The following NRG3 variants were observed in gnomAD, a reference collection of about 807,000 sequenced individuals.
The protein encoded by NRG3 is neuregulin 3.
A neutral mutation model predicts 66.9 loss-of-function variants in NRG3; 31 were observed. That is an observed-to-expected ratio of 0.46 (90% confidence interval 0.35 to 0.63). NRG3 has a LOEUF of 0.63. Ranked by LOEUF, NRG3 falls within the 20% of genes least tolerant of loss-of-function variation. The pLI is 0.00. For missense variants in NRG3, 910 were observed against 878.9 expected (o/e 1.04, Z -0.45); for synonymous variants, 393 against 359.4 (o/e 1.09, Z -1.06).
chr10:82,322,601 T>A (rs2081635892), intron 1 of NRG3, among the ~76,000 whole-genome samples: 1 of 152,152 alleles, frequency 6.6e-6, no homozygotes, highest in East Asian at 1.9e-4. Context: ...ATGGCACATA[T>A]AACCTTCATT....
At chr10:82,113,569 A>G (rs1218057514) in intron 1 of NRG3, among the ~76,000 whole-genome samples, 1 of 152,188 alleles carries the variant, frequency 6.6e-6, no homozygotes, top group Middle Eastern at 3.2e-3. Flanking sequence ...ATTGCAAGCA[A>G]CTGAGAAGAC....
chr10:82,053,142 T>C (rs930320781), intron 1 of NRG3, among the ~76,000 whole-genome samples: 2 of 152,210 alleles, frequency 1.3e-5, no homozygotes, highest in Non-Finnish European at 2.9e-5. Context: ...TATTTTTTTT[T>C]TTAACATTTC....
chr10:82,924,848 G>C (rs1175464155), intron 4 of NRG3, among the ~76,000 whole-genome samples: 1 of 152,104 alleles, frequency 6.6e-6, no homozygotes, highest in Non-Finnish European at 1.5e-5. Context: ...TAGCAGTTCA[G>C]CCAATCCATG....
chr10:82,879,958 C>CTTTT (rs35159008), intron 4 of NRG3, among the ~76,000 whole-genome samples: 133 of 78,364 alleles, frequency 1.7e-3, no homozygotes, highest in East Asian at 4.1e-3. Flanking sequence ...GATTTCATCC[C>CTTTT]TTTTTTTTTT....
intron 1 of NRG3, among the ~76,000 whole-genome samples, chr10:81,981,608 T>G (rs2060335261): frequency 6.6e-6 from 1 of 152,160 alleles, no homozygotes; most frequent in African/African-American, 2.4e-5. Context: ...GAGGTGCCCC[T>G]CATTCTGAAA....
chr10:82,720,805 T>TTA (rs1363560030), intron 2 of NRG3, among the ~76,000 whole-genome samples: 2 of 63,502 alleles, frequency 3.1e-5, no homozygotes, highest in African/African-American at 1.5e-4. Context: ...TAGGAGTATT[T>TTA]TATACATATA....
intron 1 of NRG3, among the ~76,000 whole-genome samples, chr10:81,919,186 T>C (rs191519411): frequency 2.6e-5 from 4 of 152,318 alleles, no homozygotes; most frequent in East Asian, 1.9e-4. Context: ...TGTATGGGAC[T>C]AGGGGATAGA....
intron 3 of NRG3, among the ~76,000 whole-genome samples, chr10:82,856,995 A>T (rs927991207): frequency 6.6e-6 from 1 of 152,182 alleles, no homozygotes; most frequent in African/African-American, 2.4e-5. Context: ...TTCCTATTAA[A>T]TCCTTTAATC....
chr10:81,973,098 T>A (rs916478254), intron 1 of NRG3, among the ~76,000 whole-genome samples: 15 of 152,042 alleles, frequency 9.9e-5, no homozygotes, highest in African/African-American at 3.6e-4. Context: ...AAGGCCCCAG[T>A]GTGTGTTGTT....
At chr10:81,955,471 T>C (rs930871908) in intron 1 of NRG3, among the ~76,000 whole-genome samples, 1 of 152,162 alleles carries the variant, frequency 6.6e-6, no homozygotes, top group Non-Finnish European at 1.5e-5. Flanking sequence ...TTGTCAATGA[T>C]GAGGACTGAT....
intron 1 of NRG3, among the ~76,000 whole-genome samples, chr10:82,247,698 ACCTTATAGTGAAT>A (rs2077305872): frequency 6.6e-6 from 1 of 152,084 alleles, no homozygotes; most frequent in Non-Finnish European, 1.5e-5. Context: ...CTTAAACCAA[ACCTTATAGTGAAT>A]CCTTGAAAAT....
intron 4 of NRG3, among the ~76,000 whole-genome samples, chr10:82,878,363 A>G (rs560015169): frequency 3.3e-5 from 5 of 152,214 alleles, no homozygotes; most frequent in African/African-American, 9.6e-5. Context: ...TTTCTTAAAC[A>G]GCTTACTCTG....
At chr10:82,557,478 T>A (rs144512491) in intron 2 of NRG3, among the ~76,000 whole-genome samples, 465 of 152,254 alleles carry the variant, frequency 3.1e-3, no homozygotes, top group Non-Finnish European at 5.7e-3. Context: ...CACTTTTTAA[T>A]GTTTTTTTCT....
chr10:82,587,706 A>C (rs1175739417), intron 2 of NRG3, among the ~76,000 whole-genome samples: 2 of 152,186 alleles, frequency 1.3e-5, no homozygotes, highest in Non-Finnish European at 2.9e-5. Flanking sequence ...TGGACAGGCC[A>C]TGAATCAGAG....
intron 1 of NRG3, among the ~76,000 whole-genome samples, chr10:82,340,488 A>G (rs890889464): frequency 6.6e-6 from 1 of 152,238 alleles, no homozygotes; most frequent in Non-Finnish European, 1.5e-5. Flanking sequence ...ATATCTGAAC[A>G]CTAGAATAAA....
chr10:82,171,748 A>G (rs1177967287), intron 1 of NRG3, among the ~76,000 whole-genome samples: 1 of 152,118 alleles, frequency 6.6e-6, no homozygotes, highest in Non-Finnish European at 1.5e-5. Flanking sequence ...GATTCAAAAT[A>G]ACTGTTGATA....
At chr10:82,650,406 A>T (rs764252631) in intron 2 of NRG3, among the ~76,000 whole-genome samples, 16 of 152,174 alleles carry the variant, frequency 1.1e-4, no homozygotes, top group African/African-American at 1.4e-4. Flanking sequence ...CCTAATTTAT[A>T]GCATCTCACT....
chr10:82,633,961 A>T (rs1369751973), intron 2 of NRG3, among the ~76,000 whole-genome samples: 5 of 152,108 alleles, frequency 3.3e-5, no homozygotes, highest in Non-Finnish European at 5.9e-5. Context: ...AAGAACCTGA[A>T]TTTTCAGGCA....
At chr10:82,412,894 A>G (rs549993958) in intron 2 of NRG3, among the ~76,000 whole-genome samples, 16 of 152,278 alleles carry the variant, frequency 1.1e-4, no homozygotes, top group South Asian at 6.2e-4. Context: ...TATTTGTTCA[A>G]CTTTTTCATG....
Sources: gnomAD v4.1 joint callset for allele counts (sites outside exome capture counted in the v4.1 genomes callset) on GRCh38, gnomAD v4.1.1 for gene constraint, MANE v1.5 for transcripts, NCBI Gene and HGNC (gene_info 2026-07-23, HGNC 2026-07-21) for gene names.